KIFC1: variants seen among roughly 807,000 people sequenced by gnomAD.
The protein encoded by KIFC1 is kinesin family member C1.
In KIFC1, 37 loss-of-function variants were observed where a neutral mutation model predicts 66.6. The ratio of observed to expected loss-of-function variants is 0.56; its 90% CI spans 0.43 to 0.73. The LOEUF is 0.73. Ranked by LOEUF, KIFC1 falls within the 30% of genes least tolerant of loss-of-function variation. The probability of loss-of-function intolerance (pLI) is 0.00; values close to 1 mark genes in which losing one functional copy is unlikely to be tolerated. For synonymous variants in KIFC1, 325 were observed against 343.5 expected (o/e 0.95, Z 0.60); for missense variants, 721 against 859.8 (o/e 0.84, Z 2.02).
chr6:33,398,508 A>G (rs1409509195), intron 3 of KIFC1, 121 bp downstream of exon 3: 2 of 788,116 alleles, frequency 2.5e-6, no homozygotes, highest in Non-Finnish European at 4.2e-6. Context: ...TCTATCGCCC[A>G]GGCTGGAGTG....
At position 33,406,782 on chromosome 6, in the gene KIFC1, C is replaced by T. The variant is rs1288336635; in HGVS notation, c.1902-18C>T. 6.2e-7 allele frequency: 1 copy of T among 1,614,006 alleles called. No homozygotes were observed. Among genetic ancestry groups the T allele is most frequent in the East Asian group, 2.2e-5 (1 of 44,880 alleles). ...GCTGGCCCCTAATGCTGGGGTTGGG[C>T]ACATTGTCTTTTCATAGGCTCATGT... On this transcript the variant is annotated intron_variant, in intron 9 of 10. Transcript: ENST00000428849. This position sits in a 1 kb window ranked among gnomAD's most constrained non-coding sequence, Gnocchi z 4.5.
upstream of KIFC1, chr6:33,391,672 C>T: frequency 5.3e-6 from 3 of 568,674 alleles, no homozygotes; most frequent in Non-Finnish European, 9.5e-6. Flanking sequence ...CCGCCTACCT[C>T]TCCTGCGCCT....
In KIFC1 at chr6:33,405,381, A is replaced by T. The variant is rs143310588; in HGVS notation, c.1286A>T (p.Gln429Leu). ...TMEGGPGGDP[Q>L]LEGLIPRALR... is the part of the protein sequence containing the mutation. The stretch of plus-strand genomic sequence containing the variant: ...GAGGGTGGGCCTGGGGGAGACCCCC[A>T]GTTGGAGGGGCTGATCCCTCGGGCC... Residue 429 changes from glutamine to leucine, a missense_variant, in exon 7 of 11, where the codon CAG becomes CTG. Physicochemically the swap from Gln to Leu is moderately radical, Grantham distance 113. Transcript: ENST00000428849. This position sits in a 1 kb window ranked among gnomAD's most constrained non-coding sequence, Gnocchi z 5.4. 4.7e-5 allele frequency: 75 copies of T among 1,608,806 alleles called. No homozygotes were observed. In the Admixed American group the frequency reaches 1.2e-3, roughly 25 times the overall value.
At position 33,404,930 on chromosome 6, in the gene KIFC1, C is replaced by A. The variant is rs1463928185; in HGVS notation, c.835C>A (p.Gln279Lys). Reference sequence around the variant, plus strand: ...ATCTCTGCGGCAGGAGACTGTGGCCCAGGCAGCCTTACTGACTGAGCGGGA... The same window carrying A: ...ATCTCTGCGGCAGGAGACTGTGGCCAAGGCAGCCTTACTGACTGAGCGGGA... ...VASLRQETVA[Q>K]AALLTEREER... is the part of the protein sequence containing the mutation. The change falls in exon 7 of 11, where the codon CAG becomes AAG. Residue 279 changes from glutamine (Q) to lysine (K), a missense_variant. By Grantham distance (53) the Gln-to-Lys change is moderately conservative. Transcript: ENST00000428849. The surrounding 1 kb of genome is among the most constrained non-coding windows in gnomAD (Gnocchi z 4.0). 33 of 1,614,156 alleles carry A rather than the reference C, an allele frequency of 2.0e-5. No homozygotes were observed. Among genetic ancestry groups the A allele is most frequent in the Non-Finnish European group, 2.7e-5 (32 of 1,180,034 alleles).
intron 10 of KIFC1, among the ~76,000 whole-genome samples, chr6:33,407,353 G>A (rs56369265): frequency 0.08 from 12,251 of 152,244 alleles, 652 homozygotes; most frequent in Middle Eastern, 0.12. Context: ...AGGCTGCAGT[G>A]AGCCGTGATC....
chr6:33,404,999 A>C lies in KIFC1; in HGVS notation c.904A>C (p.Asn302His). Reference protein sequence around the residue: ...GLEMERRRLHNQLQELKGNIR... With the variant: ...GLEMERRRLHHQLQELKGNIR... ...AGAAATGGAGCGCCGGCGACTGCAC[A>C]ACCAGCTGCAGGAACTCAAGGGCAA... The change falls in exon 7 of 11, where the codon AAC (asparagine) becomes CAC (histidine). Residue 302 changes from asparagine to histidine, a missense_variant. By Grantham distance (68) the Asn-to-His change is moderately conservative (BLOSUM62 1). Coordinates refer to ENST00000428849, the MANE Select transcript of KIFC1 (RefSeq NM_002263.4). The surrounding 1 kb of genome is among the most constrained non-coding windows in gnomAD (Gnocchi z 4.0). 1 of 1,614,126 alleles carries C rather than the reference A, an allele frequency of 6.2e-7. No individual in the cohort carries two copies. Among genetic ancestry groups the C allele is most frequent in the Non-Finnish European group, 8.5e-7 (1 of 1,180,018 alleles).
chr6:33,406,573 C>G lies in KIFC1; in HGVS notation c.1828-19C>G. 1 of 1,613,946 alleles carries G rather than the reference C, an allele frequency of 6.2e-7. No homozygotes were observed. Among genetic ancestry groups the G allele is most frequent in the Non-Finnish European group, 8.5e-7 (1 of 1,179,872 alleles). ...ACCCTGCCTATTCCTAAACATCTGT[C>G]CCCACCTCAATCATCTAGGAGTCCC... On this transcript the variant is annotated intron_variant, in intron 8 of 10. Coordinates refer to ENST00000428849, the MANE Select transcript of KIFC1 (RefSeq NM_002263.4). This position sits in a 1 kb window ranked among gnomAD's most constrained non-coding sequence, Gnocchi z 4.5.
chr6:33,400,927 C>T lies in KIFC1; in HGVS notation c.251-2387C>T, dbSNP rs1264539481. 6.6e-6 allele frequency among the ~76,000 whole-genome samples: 1 copy of T among 152,184 alleles called. No individual in the cohort carries two copies. Among genetic ancestry groups the T allele is most frequent in the African/African-American group, 2.4e-5 (1 of 41,428 alleles). On this transcript the variant is annotated intron_variant, in intron 3 of 10. Coordinates refer to ENST00000428849, the MANE Select transcript of KIFC1 (RefSeq NM_002263.4). The surrounding 1 kb of genome is among the most constrained non-coding windows in gnomAD (Gnocchi z 4.3). Reference sequence around the variant, plus strand: ...TCAGCTTCCCAAAGTGTTGGGATTACAGGCGTGAGCCACTGCGCCCGGCTA... The same window carrying T: ...TCAGCTTCCCAAAGTGTTGGGATTATAGGCGTGAGCCACTGCGCCCGGCTA...
rs763981829 is a variant in KIFC1 at position 33,404,716 on chromosome 6, ATCTT to A, written c.757-130_757-127del. The stretch of plus-strand genomic sequence containing the variant: ...TAGTACCATGATTCCTTATTTTCTC[ATCTT>A]TCTTTGTTTACCAGACTTTGAGGTC... On this transcript the variant is annotated intron_variant, in intron 6 of 10. Coordinates refer to ENST00000428849, the MANE Select transcript of KIFC1 (RefSeq NM_002263.4). The surrounding 1 kb of genome is among the most constrained non-coding windows in gnomAD (Gnocchi z 4.0). The A allele has an allele frequency of 8.4e-4, 630 of 747,888 alleles. 1 individual carries two copies. The highest frequency in any genetic ancestry group is 1.0e-3 in the Non-Finnish European group (469 of 456,604). 46.3% of individuals were successfully genotyped at this position (747,888 alleles called of 1,614,324 possible).
At position 33,409,782 on chromosome 6, in the gene KIFC1, T is replaced by TGG; in HGVS notation, c.*94_*95dup. On this transcript the variant is annotated 3_prime_UTR_variant, in exon 11 of 11. Coordinates refer to ENST00000428849, the MANE Select transcript of KIFC1 (RefSeq NM_002263.4). ...CTATGTCTATGTATCGGGTGAGGGG[T>TGG]GGGAGGGTTGCTGGAGGGTGCTTTA... 9.0e-7 allele frequency: 1 copy of TGG among 1,109,598 alleles called. No individual in the cohort carries two copies. Among genetic ancestry groups the TGG allele is most frequent in the Non-Finnish European group, 1.3e-6 (1 of 771,520 alleles). The allele number at this position is 1,109,598 out of a possible 1,614,324, so 68.7% of individuals were successfully genotyped here.
Position 33,403,990 on chromosome 6 carries a change from T to C in KIFC1, c.617T>C (p.Leu206Pro), listed in dbSNP as rs749574958. Residue 206 changes from leucine (L) to proline (P), a missense_variant, in exon 6 of 11, where the codon CTG becomes CCG. Coordinates refer to ENST00000428849, the MANE Select transcript of KIFC1 (RefSeq NM_002263.4). This position sits in a 1 kb window ranked among gnomAD's most constrained non-coding sequence, Gnocchi z 4.6. ...QAQAEQGQQE[L>P]KNLRACVLEL... The stretch of plus-strand genomic sequence containing the variant: ...CAGGCTGAGCAGGGCCAACAGGAGC[T>C]GAAGAACTTGCGTGCTTGTGTCCTG... 1 of 1,614,174 alleles carries C rather than the reference T, an allele frequency of 6.2e-7. No homozygotes were observed. The highest frequency in any genetic ancestry group is 8.5e-7 in the Non-Finnish European group (1 of 1,180,026).
chr6:33,403,519 T>C lies in KIFC1; in HGVS notation c.339T>C (p.Pro113=), dbSNP rs767837828. 5 of 1,614,074 alleles carry C rather than the reference T, an allele frequency of 3.1e-6. No individual in the cohort carries two copies. Among genetic ancestry groups the C allele is most frequent in the Non-Finnish European group, 4.2e-6 (5 of 1,180,006 alleles). The stretch of plus-strand genomic sequence containing the variant: ...ACCAGAAGCCAGTTCCTGCTGTTCC[T>C]GTCCAGAAGTCTGGCAGTAAGTGAC... ...LKNQKPVPAV[P]VQKSGTSGVP... is the part of the protein sequence containing the mutation. Residue 113 remains proline (P), a synonymous_variant, in exon 5 of 11, where the codon CCT becomes CCC. Coordinates refer to ENST00000428849, the MANE Select transcript of KIFC1 (RefSeq NM_002263.4). This position sits in a 1 kb window ranked among gnomAD's most constrained non-coding sequence, Gnocchi z 4.6.
At position 33,409,749 on chromosome 6, in the gene KIFC1, G is replaced by GTGTGTA. The variant is rs2151097894; in HGVS notation, c.*64_*65insATGTGT. On this transcript the variant is annotated 3_prime_UTR_variant, in exon 11 of 11. Coordinates refer to ENST00000428849, the MANE Select transcript of KIFC1 (RefSeq NM_002263.4). The stretch of plus-strand genomic sequence containing the variant: ...TGTGTGTGTGTGTGTGTGTGTGTGT[G>GTGTGTA]TGTGTCCCTATGTCTATGTATCGGG... The GTGTGTA allele has an allele frequency of 7.9e-7, 1 of 1,263,652 alleles. No homozygotes were observed. The highest frequency in any genetic ancestry group is 2.4e-5 in the East Asian group (1 of 41,770). 78.3% of individuals were successfully genotyped at this position (1,263,652 alleles called of 1,614,324 possible).
Position 33,404,217 on chromosome 6 carries a change from G to A in KIFC1, c.756+88G>A. On this transcript the variant is annotated intron_variant, in intron 6 of 10. Coordinates refer to ENST00000428849, the MANE Select transcript of KIFC1 (RefSeq NM_002263.4). The surrounding 1 kb of genome is among the most constrained non-coding windows in gnomAD (Gnocchi z 4.0). ...CCCTTCCAGGTACCCCTCAAGTCTG[G>A]GCTGAGAACTCCTGAGCACCTATCT... is the stretch of plus-strand genomic sequence containing the variant. 6.1e-6 allele frequency: 8 copies of A among 1,320,450 alleles called. No homozygotes were observed. In the East Asian group the frequency reaches 1.6e-4, roughly 27 times the overall value. 81.8% of individuals were successfully genotyped at this position (1,320,450 alleles called of 1,614,324 possible).
rs758204921 is a variant in KIFC1, at chr6:33,404,039, G to A, written c.666G>A (p.Thr222=). The part of the protein sequence containing the change: ...CVLELEERLS[T]QEGLVQELQK... ...TGGAGCTGGAAGAGCGGCTGAGCAC[G>A]CAGGAGGGCTTGGTGCAAGAGCTTC... Residue 222 remains threonine, a synonymous_variant, in exon 6 of 11, where the codon ACG becomes ACA. Transcript: ENST00000428849. This position sits in a 1 kb window ranked among gnomAD's most constrained non-coding sequence, Gnocchi z 4.0. The A allele has an allele frequency of 6.2e-6, 10 of 1,614,186 alleles. No homozygotes were observed. The highest frequency in any genetic ancestry group is 1.3e-5 in the African/African-American group (1 of 75,048).
Position 33,404,176 on chromosome 6 carries a change from A to G in KIFC1, c.756+47A>G, listed in dbSNP as rs757043320. The stretch of plus-strand genomic sequence containing the variant: ...GATGTCAGCCCCGCTTTCCTGGCAG[A>G]GGTCATGCCTCCCCTCCCTTCCAGG... On this transcript the variant is annotated intron_variant, in intron 6 of 10. Transcript: ENST00000428849. This position sits in a 1 kb window ranked among gnomAD's most constrained non-coding sequence, Gnocchi z 4.0. The G allele has an allele frequency of 6.4e-7, 1 of 1,552,884 alleles. No homozygotes were observed. The highest frequency in any genetic ancestry group is 8.7e-7 in the Non-Finnish European group (1 of 1,145,332).
intron 10 of KIFC1, among the ~76,000 whole-genome samples, chr6:33,408,063 A>G (rs1024162534): frequency 1.3e-5 from 2 of 152,248 alleles, no homozygotes; most frequent in East Asian, 1.9e-4. Flanking sequence ...GAGGGTGGTG[A>G]TGTTTTTTCT....
In KIFC1 at chr6:33,409,866, TTAAA is replaced by T; in HGVS notation, c.*181_*184del. 1.6e-6 allele frequency: 1 copy of T among 642,274 alleles called. No individual in the cohort carries two copies. The highest frequency in any genetic ancestry group is 1.8e-5 in the African/African-American group (1 of 54,328). 39.8% of individuals were successfully genotyped at this position (642,274 alleles called of 1,614,324 possible). ...AATAAAGAATAGTTTGGTTTTTTTT[TTAAA>T]TAAAGGTTTTATTAGCATTTGCCCA... is the stretch of plus-strand genomic sequence containing the variant. On this transcript the variant is annotated 3_prime_UTR_variant, in exon 11 of 11. Transcript: ENST00000428849.
chr6:33,403,708 T>C lies in KIFC1; in HGVS notation c.356-21T>C, dbSNP rs1434919835. The stretch of plus-strand genomic sequence containing the variant: ...AGAGCCTAGACTTCACTGACCTTTG[T>C]CCTTTCTGTGTTCATCTTAGCATCA... On this transcript the variant is annotated intron_variant, in intron 5 of 10. Coordinates refer to ENST00000428849, the MANE Select transcript of KIFC1 (RefSeq NM_002263.4). The surrounding 1 kb of genome is among the most constrained non-coding windows in gnomAD (Gnocchi z 4.6). 1.9e-6 allele frequency: 3 copies of C among 1,606,806 alleles called. No individual in the cohort carries two copies. The highest frequency in any genetic ancestry group is 2.6e-6 in the Non-Finnish European group (3 of 1,175,854).
Sources: gnomAD v4.1 joint callset for allele counts (sites outside exome capture counted in the v4.1 genomes callset) on GRCh38, gnomAD v4.1.1 for gene constraint, Gnocchi (gnomAD v3.1) non-coding constraint, MANE v1.5 for transcripts, NCBI Gene and HGNC (gene_info 2026-07-23, HGNC 2026-07-21) for gene names.